PPEF1: variants seen among roughly 807,000 people sequenced by gnomAD.
The protein encoded by PPEF1 is protein phosphatase with EF-hand domain 1.
PPEF1 carries 12 observed loss-of-function variants against 53.3 expected under a neutral mutation model. That is an observed-to-expected ratio of 0.23 (90% CI 0.14 to 0.36). The LOEUF (loss-of-function observed/expected upper bound fraction) is 0.36. Ranked by LOEUF, PPEF1 falls within the 10% of genes least tolerant of loss-of-function variation. The pLI, the probability that PPEF1 is intolerant of heterozygous loss-of-function variation, is 1.00. For synonymous variants in PPEF1, 165 were observed against 176.7 expected (o/e 0.93, Z 0.52); for missense variants, 334 against 490.4 (o/e 0.68, Z 3.01).
intron 14 of PPEF1, among the ~76,000 whole-genome samples, chrX:18,824,743 A>C (rs938906166): frequency 1.1e-4 from 12 of 109,562 alleles, no homozygotes; most frequent in Non-Finnish European, 2.3e-4. Flanking sequence ...GGCTCACTGC[A>C]ACCTCTGCCT....
chrX:18,700,051 T>G (rs1406903596), intron 5 of PPEF1: 1 of 112,038 alleles, frequency 8.9e-6, no homozygotes, highest in Non-Finnish European at 1.9e-5. Flanking sequence ...TGAGTGCATC[T>G]CCAGGCCAGG....
upstream of PPEF1, among the ~76,000 whole-genome samples, chrX:18,706,217 GAAAA>G (rs761694284): frequency 2.5e-3 from 135 of 54,380 alleles, no homozygotes; most frequent in African/African-American, 8.9e-3. Context: ...GACCCTGTCT[GAAAA>G]AAAAAAAAAA....
At chrX:18,693,503 C>T (rs1185894079) in intron 4 of PPEF1, among the ~76,000 whole-genome samples, 2 of 112,230 alleles carry the variant, frequency 1.8e-5, no homozygotes, top group African/African-American at 3.2e-5. Context: ...AGTATGTGGG[C>T]GTATCTCTGC....
intron 12 of PPEF1, among the ~76,000 whole-genome samples, chrX:18,812,821 T>G (rs1287262253): frequency 9.9e-5 from 11 of 110,715 alleles, no homozygotes; most frequent in Non-Finnish European, 1.9e-4. Context: ...CAGGCTGGAG[T>G]GCAGTGATGT....
At chrX:18,771,838 G>A (rs1158782594) in intron 6 of PPEF1, among the ~76,000 whole-genome samples, 1 of 111,846 alleles carries the variant, frequency 8.9e-6, no homozygotes, top group African/African-American at 3.2e-5. Context: ...TCTTAGGCCA[G>A]GTGTAGTAGC....
chrX:18,685,602 G>A (rs1303705521), intron 2 of PPEF1, among the ~76,000 whole-genome samples: 3 of 106,945 alleles, frequency 2.8e-5, no homozygotes, highest in East Asian at 2.9e-4. Flanking sequence ...GGAGGATGGC[G>A]TGAACCCGGG....
chrX:18,716,522 A>G (rs2044459422), intron 1 of PPEF1, among the ~76,000 whole-genome samples: 1 of 80,908 alleles, frequency 1.2e-5, no homozygotes, highest in East Asian at 4.3e-4. Context: ...AGAGAGCGAG[A>G]CACCATCTCA....
At chrX:18,689,535 G>A (rs1484566686) in intron 3 of PPEF1, among the ~76,000 whole-genome samples, 1 of 108,142 alleles carries the variant, frequency 9.2e-6, no homozygotes, top group Non-Finnish European at 1.9e-5. Flanking sequence ...AAAGAGTACT[G>A]TGTTATAGAG....
At chrX:18,685,413 C>T (rs983529550) in intron 2 of PPEF1, among the ~76,000 whole-genome samples, 1 of 111,926 alleles carries the variant, frequency 8.9e-6, no homozygotes, top group African/African-American at 3.2e-5. Context: ...CTGCCAGGCA[C>T]GGTGGCTCAC....
In PPEF1 at chrX:18,790,150, A is replaced by C. The variant is rs1341031411; in HGVS notation, c.1065+877A>C. 3.6e-5 allele frequency among the ~76,000 whole-genome samples: 4 copies of C among 112,073 alleles called. No homozygotes were observed. The East Asian group carries it at 1.1e-3, about 31-fold the overall frequency. ...GATTATAGCCATCCCAGAGGGCATG[A>C]GATGGAATCTCATTGTGGTTTTGAT... On this transcript the variant is annotated intron_variant, in intron 10 of 15. Transcript: ENST00000470157.
At chrX:18,797,099 A>T (rs1479804643) in intron 10 of PPEF1, among the ~76,000 whole-genome samples, 1 of 111,600 alleles carries the variant, frequency 9.0e-6, no homozygotes, top group Non-Finnish European at 1.9e-5. Context: ...AAAATGGGCC[A>T]GAACCTCATT....
chrX:18,819,023 C>T (rs1360549757), intron 13 of PPEF1, among the ~76,000 whole-genome samples: 1 of 111,564 alleles, frequency 9.0e-6, no homozygotes, highest in Non-Finnish European at 1.9e-5. Context: ...GTCTGTAATG[C>T]TCCCTGACTC....
chrX:18,705,440 A>G (rs895612213), upstream of PPEF1, among the ~76,000 whole-genome samples: 4 of 112,461 alleles, frequency 3.6e-5, no homozygotes, highest in African/African-American at 1.3e-4. Context: ...AAAGCCAAGC[A>G]CGGTGGCTGA....
chrX:18,696,947 A>G (rs1247809481), intron 4 of PPEF1, among the ~76,000 whole-genome samples: 1 of 112,358 alleles, frequency 8.9e-6, no homozygotes, highest in East Asian at 2.8e-4. Context: ...CAATTCTAGC[A>G]TACTCCTCAG....
intron 3 of PPEF1, among the ~76,000 whole-genome samples, chrX:18,737,321 G>T (rs192392270): frequency 5.0e-4 from 56 of 111,770 alleles, no homozygotes; most frequent in African/African-American, 1.7e-3. Flanking sequence ...ATTCTGGTAT[G>T]TTGTCTTTGT....
intron 3 of PPEF1, among the ~76,000 whole-genome samples, chrX:18,748,823 A>G (rs1329045229): frequency 8.9e-6 from 1 of 111,863 alleles, no homozygotes; most frequent in Non-Finnish European, 1.9e-5. Flanking sequence ...AAAGCATACA[A>G]GGCCTCCAGA....
chrX:18,716,334 C>A (rs1381254237), intron 1 of PPEF1, among the ~76,000 whole-genome samples: 1 of 109,589 alleles, frequency 9.1e-6, no homozygotes, highest in Non-Finnish European at 1.9e-5. Context: ...AGATTGAGAC[C>A]ATCCTGGCTA....
chrX:18,706,537 G>A (rs1461330553), upstream of PPEF1, among the ~76,000 whole-genome samples: 2 of 110,618 alleles, frequency 1.8e-5, no homozygotes, highest in African/African-American at 6.6e-5. Context: ...CTGAGGTCAG[G>A]AGTTCGAGAC....
intron 4 of PPEF1, among the ~76,000 whole-genome samples, chrX:18,755,759 G>T (rs1324512462): frequency 9.0e-6 from 1 of 111,165 alleles, no homozygotes; most frequent in Non-Finnish European, 1.9e-5. Flanking sequence ...TTTCTCTATG[G>T]ATTTGTCTAA....
Sources: gnomAD v4.1 joint callset for allele counts (sites outside exome capture counted in the v4.1 genomes callset) on GRCh38, gnomAD v4.1.1 for gene constraint, MANE v1.5 for transcripts, NCBI Gene and HGNC (gene_info 2026-07-23, HGNC 2026-07-21) for gene names.